Variants in CD46 observed in about 807,000 individuals in gnomAD.
CD46 encodes membrane cofactor protein.
A neutral mutation model predicts 53.3 loss-of-function variants in CD46; 30 were observed. The ratio of observed to expected loss-of-function variants is 0.56; its 90% CI spans 0.42 to 0.76. The LOEUF (loss-of-function observed/expected upper bound fraction) is 0.76. Ranked by LOEUF, CD46 falls within the 30% of genes least tolerant of loss-of-function variation. The probability of loss-of-function intolerance (pLI) is 0.00; values close to 1 mark genes in which losing one functional copy is unlikely to be tolerated. For synonymous variants in CD46, 142 were observed against 152.0 expected (o/e 0.93, Z 0.48); for missense variants, 409 against 463.0 (o/e 0.88, Z 1.07).
chr1:207,770,495 C>A (rs1432067775), intron 8 of CD46, 133 bp downstream of exon 8: 1 of 672,384 alleles, frequency 1.5e-6, no homozygotes, highest in Non-Finnish European at 2.7e-6. Context: ...TGTTGGTTTG[C>A]TGCACCCATC....
At chr1:207,788,740 T>G (rs1183600576) in intron 11 of CD46, among the ~76,000 whole-genome samples, 1 of 152,204 alleles carries the variant, frequency 6.6e-6, no homozygotes, top group Non-Finnish European at 1.5e-5. Flanking sequence ...ACAAAATGTA[T>G]TTCTTGTAAA....
At chr1:207,780,906 G>A (rs1450326940) in intron 8 of CD46, among the ~76,000 whole-genome samples, 1 of 151,658 alleles carries the variant, frequency 6.6e-6, no homozygotes, top group African/African-American at 2.4e-5. Context: ...ATAATATGAT[G>A]GAAGGCATCA....
intron 5 of CD46, among the ~76,000 whole-genome samples, chr1:207,765,299 AG>A (rs1281462901): frequency 6.6e-6 from 1 of 152,232 alleles, no homozygotes; most frequent in African/African-American, 2.4e-5. Flanking sequence ...TAGGAACAGA[AG>A]GGTACTATCT....
At chr1:207,753,715 C>T (rs1209029663) in intron 1 of CD46, among the ~76,000 whole-genome samples, 1 of 152,052 alleles carries the variant, frequency 6.6e-6, no homozygotes, top group Non-Finnish European at 1.5e-5. Flanking sequence ...GAAATACATG[C>T]TTATTGTGCG....
chr1:207,757,781 T>G, intron 3 of CD46, 139 bp downstream of exon 3: 1 of 685,914 alleles, frequency 1.5e-6, no homozygotes, highest in African/African-American at 1.8e-5. Flanking sequence ...CTCTTGGATG[T>G]TTTATGGAGA....
chr1:207,768,928 A>T (rs545786612), intron 7 of CD46: 1 of 152,304 alleles, frequency 6.6e-6, no homozygotes, highest in South Asian at 2.1e-4. Context: ...ATTTTAAAGG[A>T]TCGAAGAGAA....
intron 9 of CD46, among the ~76,000 whole-genome samples, chr1:207,784,817 A>G (rs1434953695): frequency 6.6e-6 from 1 of 152,210 alleles, no homozygotes; most frequent in African/African-American, 2.4e-5. Flanking sequence ...TGAAGGAGGA[A>G]GCCGCTTATA....
chr1:207,753,602 T>C (rs913618228), intron 1 of CD46, among the ~76,000 whole-genome samples: 2 of 151,800 alleles, frequency 1.3e-5, no homozygotes, highest in African/African-American at 4.8e-5. Flanking sequence ...GCCCAGGAGG[T>C]GAAGGCTGCA....
At position 207,752,226 on chromosome 1, in the gene CD46, G is replaced by A. The variant is rs780769905; in HGVS notation, c.14G>A (p.Gly5Asp). Residue 5 changes from glycine to aspartate, a missense_variant, in exon 1 of 13, where the codon GGC becomes GAC. Transcript: ENST00000367042. This position sits in a 1 kb window ranked among gnomAD's most constrained non-coding sequence, Gnocchi z 4.1. ...TCCGCGCCGCGCATGGAGCCTCCCG[G>A]CCGCCGCGAGTGTCCCTTTCCTTCC... MEPP[G>D]RRECPFPSWR... 2.5e-6 allele frequency: 4 copies of A among 1,613,968 alleles called. No homozygotes were observed. Among genetic ancestry groups the A allele is most frequent in the South Asian group, 1.1e-5 (1 of 91,092 alleles).
At chr1:207,771,529 G>C (rs1386396353) in intron 8 of CD46, among the ~76,000 whole-genome samples, 2 of 152,068 alleles carry the variant, frequency 1.3e-5, no homozygotes, top group Non-Finnish European at 2.9e-5. Context: ...TATGGTGTTA[G>C]GTCTTACATT....
At chr1:207,774,668 C>T (rs1657898649) in intron 8 of CD46, among the ~76,000 whole-genome samples, 1 of 152,184 alleles carries the variant, frequency 6.6e-6, no homozygotes, top group South Asian at 2.1e-4. Context: ...ATATGAGATT[C>T]TGGGTTGAAA....
chr1:207,793,684 A>T lies in CD46; in HGVS notation c.*207A>T, dbSNP rs764687317. 9.7e-7 allele frequency: 1 copy of T among 1,030,612 alleles called. No homozygotes were observed. Among genetic ancestry groups the T allele is most frequent in the Non-Finnish European group, 1.5e-6 (1 of 659,082 alleles). The allele number at this position is 1,030,612 out of a possible 1,614,324, so 63.8% of individuals were successfully genotyped here. On this transcript the variant is annotated 3_prime_UTR_variant, in exon 13 of 13. Transcript: ENST00000367042. ...CTGTAGTTTCACTCTCATGAGTGCA[A>T]CTGTGGCTTAGCTAATATTGCAATG...
At chr1:207,788,244 T>C (rs1354057066) in intron 11 of CD46, among the ~76,000 whole-genome samples, 1 of 151,638 alleles carries the variant, frequency 6.6e-6, no homozygotes, top group African/African-American at 2.4e-5. Flanking sequence ...CAGCCGGGCC[T>C]GGTGGCTCAC....
intron 8 of CD46, among the ~76,000 whole-genome samples, chr1:207,771,826 A>G (rs1283733882): frequency 2.0e-5 from 3 of 152,130 alleles, no homozygotes; most frequent in African/African-American, 7.2e-5. Flanking sequence ...GAAGTCAGGT[A>G]GCTTGATGTC....
intron 1 of CD46, among the ~76,000 whole-genome samples, chr1:207,756,646 GAGC>G (rs1313609210): frequency 6.6e-6 from 1 of 152,188 alleles, no homozygotes; most frequent in Non-Finnish European, 1.5e-5. Flanking sequence ...AGAACAATCT[GAGC>G]AGAGTACTCT....
At position 207,793,848 on chromosome 1, in the gene CD46, G is replaced by C; in HGVS notation, c.*371G>C. 1 of 452,788 alleles carries C rather than the reference G, an allele frequency of 2.2e-6. No homozygotes were observed. Among genetic ancestry groups the C allele is most frequent in the Non-Finnish European group, 4.0e-6 (1 of 250,228 alleles). The allele number at this position is 452,788 out of a possible 1,614,324, so 28.0% of individuals were successfully genotyped here. A position where few individuals can be genotyped will look rare whatever the true frequency, so the allele number is the denominator to read the frequency against. ...GCACAGCATGCCTGGTTGTATTAAA[G>C]CAGGGATATGCTGTATTTTATAAAA... is the stretch of plus-strand genomic sequence containing the variant. On this transcript the variant is annotated 3_prime_UTR_variant, in exon 13 of 13. Transcript: ENST00000367042.
At chr1:207,758,940 C>T (rs1655870849) in intron 3 of CD46, among the ~76,000 whole-genome samples, 1 of 151,664 alleles carries the variant, frequency 6.6e-6, no homozygotes, top group Non-Finnish European at 1.5e-5. Context: ...TAGAATTATT[C>T]ATGATAATTA....
intron 1 of CD46, among the ~76,000 whole-genome samples, chr1:207,754,084 T>C (rs1424298530): frequency 6.6e-6 from 1 of 152,230 alleles, no homozygotes; most frequent in Admixed American, 6.5e-5. Context: ...CTAAAATGTA[T>C]TGGGATTGGC....
Position 207,760,395 on chromosome 1 carries a change from T to G in CD46, c.475+671T>G, listed in dbSNP as rs572298909. On this transcript the variant is annotated intron_variant, in intron 4 of 12. Coordinates refer to ENST00000367042, the MANE Select transcript of CD46 (RefSeq NM_172351.3). ...CCTTTGGAAAAATATCACTATATTC[T>G]TATTAGGATCAGAGTGAAAAAAGAC... 13 of 152,352 alleles carry G rather than the reference T, an allele frequency of 8.5e-5. 1 individual carries two copies. Among genetic ancestry groups the G allele is most frequent in the African/African-American group, 2.9e-4 (12 of 41,584 alleles). The allele number at this position is 152,352 out of a possible 1,614,324, so 9.4% of individuals were successfully genotyped here.
Sources: gnomAD v4.1 joint callset for allele counts (sites outside exome capture counted in the v4.1 genomes callset) on GRCh38, gnomAD v4.1.1 for gene constraint, Gnocchi (gnomAD v3.1) non-coding constraint, MANE v1.5 for transcripts, NCBI Gene and HGNC (gene_info 2026-07-23, HGNC 2026-07-21) for gene names.